Variants in ADGRL2 observed in about 807,000 individuals in gnomAD.
ADGRL2 encodes adhesion G protein-coupled receptor L2.
In ADGRL2, 44 loss-of-function variants were observed where a neutral mutation model predicts 157.4. The ratio of observed to expected loss-of-function variants is 0.28; its 90% CI spans 0.22 to 0.36. ADGRL2 has a LOEUF of 0.36. Among genes scored for constraint, ADGRL2 ranks in the 10% least tolerant of loss-of-function variants. The pLI is 1.00. For synonymous variants in ADGRL2, 585 were observed against 624.7 expected, an observed-to-expected ratio of 0.94 and a Z score of 0.95; for missense variants, 1,510 against 1,768.9, an observed-to-expected ratio of 0.85 and a Z score of 2.63.
rs554804839 is a variant in ADGRL2 at position 81,539,052 on chromosome 1, T to C, written c.-247-41824T>C. 5.7e-4 allele frequency among the ~76,000 whole-genome samples: 85 copies of C among 148,088 alleles called. 1 individual carries two copies. Among genetic ancestry groups the C allele is most frequent in the Non-Finnish European group, 1.0e-3 (70 of 66,716 alleles). ...AAGACAACATAAAATCTTCCCTTAATATACTTTTCTGGAAAAATCAGTGCA... is the reference window on the plus strand; with the variant it reads ...AAGACAACATAAAATCTTCCCTTAACATACTTTTCTGGAAAAATCAGTGCA... On this transcript the variant is annotated intron_variant, in intron 2 of 24. Coordinates refer to the ADGRL2 transcript ENST00000370721.
chr1:81,854,838 T>C (rs2093146906), intron 2 of ADGRL2, among the ~76,000 whole-genome samples: 1 of 152,044 alleles, frequency 6.6e-6, no homozygotes, highest in South Asian at 2.1e-4. Context: ...ATGGGGTGAA[T>C]TGCAAATAGG....
intron 2 of ADGRL2, among the ~76,000 whole-genome samples, chr1:81,456,498 A>G (rs1293123410): frequency 6.6e-6 from 1 of 152,118 alleles, no homozygotes. Context: ...TTGGCCTCCC[A>G]AAGTGCTAGG....
At chr1:81,916,377 T>G (rs1357622948) in intron 3 of ADGRL2, among the ~76,000 whole-genome samples, 1 of 152,174 alleles carries the variant, frequency 6.6e-6, no homozygotes, top group South Asian at 2.1e-4. Flanking sequence ...CAGATAAGAA[T>G]AGATGTTCAG....
At chr1:81,503,435 C>A (rs536406166) in intron 2 of ADGRL2, 75 of 1,613,498 alleles carry the variant, frequency 4.6e-5, no homozygotes, top group Admixed American at 2.2e-4. Flanking sequence ...CGGGGCACCC[C>A]CAGCGCAGAG....
intron 3 of ADGRL2, among the ~76,000 whole-genome samples, chr1:81,664,590 G>T (rs1343606023): frequency 1.3e-5 from 2 of 152,116 alleles, no homozygotes; most frequent in Non-Finnish European, 2.9e-5. Flanking sequence ...ACAGATTCAA[G>T]AAATTTCTGT....
At chr1:81,686,551 A>G (rs2083232256) in intron 3 of ADGRL2, among the ~76,000 whole-genome samples, 1 of 152,104 alleles carries the variant, frequency 6.6e-6, no homozygotes, top group Non-Finnish European at 1.5e-5. Flanking sequence ...CTAATGGTGT[A>G]TCAATTTTAT....
chr1:81,467,745 CAG>C (rs1330470043), intron 2 of ADGRL2, among the ~76,000 whole-genome samples: 3 of 151,908 alleles, frequency 2.0e-5, no homozygotes, highest in Non-Finnish European at 4.4e-5. Flanking sequence ...CAGGTTCAAA[CAG>C]AAATGAGACA....
intron 1 of ADGRL2, among the ~76,000 whole-genome samples, chr1:81,310,954 A>G (rs577474097): frequency 1.0e-3 from 154 of 152,190 alleles, no homozygotes; most frequent in Non-Finnish European, 2.0e-3. Context: ...ACCTACAACC[A>G]TTTGAAGAAC....
chr1:81,759,716 T>C (rs950091717), intron 1 of ADGRL2, among the ~76,000 whole-genome samples: 17 of 152,102 alleles, frequency 1.1e-4, no homozygotes, highest in African/African-American at 4.1e-4. Context: ...CTTGACCAAA[T>C]TTCCTTCATG....
At chr1:81,382,075 G>A (rs992013089) in intron 1 of ADGRL2, among the ~76,000 whole-genome samples, 5 of 152,192 alleles carry the variant, frequency 3.3e-5, no homozygotes, top group African/African-American at 1.2e-4. Context: ...CTTTCCAAGT[G>A]TTGGACTAAC....
At chr1:81,874,068 ATAAACT>A (rs1214942641) in intron 2 of ADGRL2, among the ~76,000 whole-genome samples, 17 of 152,158 alleles carry the variant, frequency 1.1e-4, no homozygotes, top group Non-Finnish European at 2.2e-4. Flanking sequence ...TTTCCCACTC[ATAAACT>A]TTCAAAATCA....
chr1:81,510,687 G>A (rs1294570191), intron 2 of ADGRL2, among the ~76,000 whole-genome samples: 5 of 152,076 alleles, frequency 3.3e-5, no homozygotes, highest in Admixed American at 3.3e-4. Flanking sequence ...ATCCCCTAGG[G>A]GGCAGAAAGT....
chr1:81,351,408 G>A (rs777016603), intron 1 of ADGRL2, among the ~76,000 whole-genome samples: 10 of 151,910 alleles, frequency 6.6e-5, no homozygotes, highest in Non-Finnish European at 1.2e-4. Flanking sequence ...TTCCCACCCC[G>A]TGATGAAAAT....
At position 81,513,629 on chromosome 1, in the gene ADGRL2, C is replaced by A. The variant is rs182110626; in HGVS notation, c.-247-67247C>A. On this transcript the variant is annotated intron_variant, in intron 2 of 24. Transcript: ENST00000370721. ...TAATGAAACAGAACCGAGACACAAT[C>A]CCCAGACTGCCTGAATCAAAAGCTT... Among the ~76,000 whole-genome samples the A allele has an allele frequency of 4.0e-3, 603 of 152,224 alleles. 5 individuals are homozygous for A. Among genetic ancestry groups the A allele is most frequent in the Non-Finnish European group, 4.7e-3 (322 of 68,012 alleles).
chr1:81,451,566 C>T (rs752206189), intron 2 of ADGRL2, among the ~76,000 whole-genome samples: 13 of 152,062 alleles, frequency 8.5e-5, no homozygotes, highest in Non-Finnish European at 1.9e-4. Flanking sequence ...CATTTTTATC[C>T]TGCTTTCTTT....
At chr1:81,539,877 T>G (rs1261858540) in intron 2 of ADGRL2, among the ~76,000 whole-genome samples, 1 of 152,150 alleles carries the variant, frequency 6.6e-6, no homozygotes, top group Non-Finnish European at 1.5e-5. Context: ...GACAGACAAT[T>G]TCTCTTACAT....
At chr1:81,673,285 C>A (rs1012140290) in intron 3 of ADGRL2, among the ~76,000 whole-genome samples, 3 of 152,066 alleles carry the variant, frequency 2.0e-5, no homozygotes, top group Non-Finnish European at 4.4e-5. Context: ...CCAATATACC[C>A]TCATTCATAC....
chr1:81,905,713 G>C (rs1448210686), intron 2 of ADGRL2, among the ~76,000 whole-genome samples: 10 of 151,966 alleles, frequency 6.6e-5, no homozygotes. Flanking sequence ...GATTTATTCT[G>C]TTTTATTATA....
At chr1:81,361,311 A>G (rs2075974965) in intron 1 of ADGRL2, among the ~76,000 whole-genome samples, 2 of 151,954 alleles carry the variant, frequency 1.3e-5, no homozygotes, top group Admixed American at 1.3e-4. Flanking sequence ...TGCTTTTTAG[A>G]AAAGTAGTCT....
Sources: gnomAD v4.1 joint callset for allele counts (sites outside exome capture counted in the v4.1 genomes callset) on GRCh38, gnomAD v4.1.1 for gene constraint, MANE v1.5 for transcripts, NCBI Gene and HGNC (gene_info 2026-07-23, HGNC 2026-07-21) for gene names.